The following RAB18 variants were observed in gnomAD, a reference collection of about 807,000 sequenced individuals.
RAB18 encodes the protein RAB18, member RAS oncogene family, also known as ras-related protein Rab-18.
RAB18 carries 10 observed loss-of-function variants against 28.5 expected under a neutral mutation model. The ratio of observed to expected loss-of-function variants is 0.35; its 90% CI spans 0.22 to 0.60. RAB18 has a LOEUF of 0.60. Ranked by LOEUF, RAB18 falls within the 20% of genes least tolerant of loss-of-function variation. RAB18 has a pLI of 0.78. For missense variants in RAB18, 188 were observed against 244.2 expected (o/e 0.77, Z 1.53); for synonymous variants, 93 against 86.9 (o/e 1.07, Z -0.39).
In RAB18 at chr10:27,537,588, C is replaced by T. The variant is rs2763307; in HGVS notation, c.446-288C>T. ...AAAGCTTAAGGAAAAAACTTTCGCT[C>T]GCTATTTAAGTAGGGCTTTACAAGT... On this transcript the variant is annotated intron_variant, in intron 6 of 6. Transcript: ENST00000356940. Among the ~76,000 whole-genome samples, 142,365 of 152,260 alleles carry T rather than the reference C, an allele frequency of 0.94. 67,288 individuals are homozygous for T. Among genetic ancestry groups the T allele is most frequent in the East Asian group, 1 (5,188 of 5,188 alleles).
In RAB18 at chr10:27,541,594, G is replaced by A. The variant is rs747609242; in HGVS notation, c.*3543G>A. ...AGTCGTGTGTTCATGCCTGTTCTCA[G>A]TCTTGTCCCCTTTACCGTTTCTCAT... On this transcript the variant is annotated 3_prime_UTR_variant, in exon 7 of 7. Coordinates refer to ENST00000356940, the MANE Select transcript of RAB18 (RefSeq NM_021252.5). 3.4e-4 allele frequency: 152 copies of A among 452,712 alleles called. No individual in the cohort carries two copies. Among genetic ancestry groups the A allele is most frequent in the Non-Finnish European group, 6.4e-4 (146 of 226,610 alleles). The allele number at this position is 452,712 out of a possible 1,614,324, so 28.0% of individuals were successfully genotyped here.
intron 1 of RAB18, among the ~76,000 whole-genome samples, chr10:27,507,618 T>G (rs1205626262): frequency 6.6e-6 from 1 of 151,968 alleles, no homozygotes; most frequent in Non-Finnish European, 1.5e-5. Context: ...CACACTCTGT[T>G]TATTATAAAT....
At chr10:27,523,028 T>C (rs1403825194) in intron 2 of RAB18, among the ~76,000 whole-genome samples, 3 of 152,048 alleles carry the variant, frequency 2.0e-5, no homozygotes, top group African/African-American at 7.2e-5. Context: ...TTTTCTTTCT[T>C]CTACTTCTTC....
At chr10:27,532,270 T>G (rs575224329) in intron 3 of RAB18, among the ~76,000 whole-genome samples, 1 of 152,212 alleles carries the variant, frequency 6.6e-6, no homozygotes, top group East Asian at 1.9e-4. Flanking sequence ...AAGTCTTAAA[T>G]TCAAAACAGC....
Position 27,533,802 on chromosome 10 carries a change from C to G in RAB18, c.327C>G (p.Tyr109Ter). The G allele has an allele frequency of 6.2e-7, 1 of 1,613,634 alleles. No homozygotes were observed. Among genetic ancestry groups the G allele is most frequent in the South Asian group, 1.1e-5 (1 of 91,064 alleles). The change falls in exon 5 of 7, where the codon TAC (tyrosine) becomes TAG (stop). Residue 109 changes from tyrosine (Y) to a stop codon, truncating the protein, a stop_gained. Coordinates refer to ENST00000356940, the MANE Select transcript of RAB18 (RefSeq NM_021252.5). LOFTEE classifies it high-confidence loss of function. The part of the protein sequence containing the change: ...LDNWLNELET[Y>*]CTRNDIVNML... ...ATTGGTTAAATGAATTGGAAACATA[C>G]TGTACAAGAAATGACATAGTAAACA...
intron 1 of RAB18, among the ~76,000 whole-genome samples, chr10:27,507,698 C>T (rs879549316): frequency 6.6e-6 from 1 of 151,838 alleles, no homozygotes; most frequent in African/African-American, 2.4e-5. Context: ...AAACATTTTG[C>T]TCCTTTAACT....
At chr10:27,508,489 T>C (rs1477386010) in intron 1 of RAB18, among the ~76,000 whole-genome samples, 3 of 152,222 alleles carry the variant, frequency 2.0e-5, no homozygotes, top group African/African-American at 7.2e-5. Context: ...GTAGATATTA[T>C]GTATCTTTTC....
intron 3 of RAB18, 164 bp downstream of exon 3, chr10:27,527,053 T>C (rs1231192731): frequency 3.7e-6 from 3 of 806,356 alleles, no homozygotes; most frequent in African/African-American, 1.7e-5. Context: ...GTCTTATAAT[T>C]GGGTAATTAG....
chr10:27,518,909 G>A (rs1306858303), intron 2 of RAB18, among the ~76,000 whole-genome samples: 1 of 147,492 alleles, frequency 6.8e-6, no homozygotes. Flanking sequence ...GTTACATTAA[G>A]TATAATTTTT....
At chr10:27,522,864 T>C (rs1230896427) in intron 2 of RAB18, among the ~76,000 whole-genome samples, 3 of 152,130 alleles carry the variant, frequency 2.0e-5, no homozygotes, top group Non-Finnish European at 2.9e-5. Flanking sequence ...GGTGTGATTT[T>C]TTTCATCCTT....
In RAB18 at chr10:27,504,419, G is replaced by C. The variant is rs761909429; in HGVS notation, c.50G>C (p.Ser17Thr). Residue 17 changes from serine to threonine, a missense_variant, in exon 1 of 7, where the codon AGT becomes ACT. Physicochemically the swap from Ser to Thr is moderately conservative, Grantham distance 58 (BLOSUM62 1). Coordinates refer to ENST00000356940, the MANE Select transcript of RAB18 (RefSeq NM_021252.5). ...CTGAAGATCCTCATCATCGGCGAGAGTGGGGTGGGCAAGTCCAGGTGAGGC... is the reference window on the plus strand; with the variant it reads ...CTGAAGATCCTCATCATCGGCGAGACTGGGGTGGGCAAGTCCAGGTGAGGC... ...TTLKILIIGESGVGKSSLLLR... is the reference protein window; with the variant it reads ...TTLKILIIGETGVGKSSLLLR... 1.9e-6 allele frequency: 3 copies of C among 1,569,340 alleles called. No individual in the cohort carries two copies. Among genetic ancestry groups the C allele is most frequent in the East Asian group, 4.6e-5 (2 of 43,256 alleles).
intron 6 of RAB18, among the ~76,000 whole-genome samples, chr10:27,535,523 A>ATGGTAAAGAG (rs549322496): frequency 4.2e-4 from 64 of 152,322 alleles, no homozygotes; most frequent in African/African-American, 1.5e-3. Flanking sequence ...TGCCATTCAA[A>ATGGTAAAGAG]TGGTAAAGAG....
intron 2 of RAB18, among the ~76,000 whole-genome samples, chr10:27,511,784 C>T (rs1042128655): frequency 6.6e-6 from 1 of 152,158 alleles, no homozygotes; most frequent in African/African-American, 2.4e-5. Flanking sequence ...CTCCTTCTTA[C>T]ACTTTTTGCC....
Position 27,504,420 on chromosome 10 carries a change from T to C in RAB18, c.51T>C (p.Ser17=), listed in dbSNP as rs1170959035. 2 of 1,567,858 alleles carry C rather than the reference T, an allele frequency of 1.3e-6. No individual in the cohort carries two copies. The highest frequency in any genetic ancestry group is 1.2e-5 in the South Asian group (1 of 85,248). The change falls in exon 1 of 7, where the codon AGT becomes AGC. Residue 17 remains serine, a synonymous_variant. Coordinates refer to ENST00000356940, the MANE Select transcript of RAB18 (RefSeq NM_021252.5). ...TGAAGATCCTCATCATCGGCGAGAG[T>C]GGGGTGGGCAAGTCCAGGTGAGGCG... ...TTLKILIIGE[S]GVGKSSLLLR...
intron 1 of RAB18, chr10:27,504,767 C>T (rs774667451): frequency 5.2e-6 from 3 of 573,976 alleles, no homozygotes; most frequent in Non-Finnish European, 3.4e-6. Flanking sequence ...TGGTTTGGGC[C>T]CGAATCCGGC....
intron 4 of RAB18, 144 bp from the exon 5 acceptor site, chr10:27,533,591 A>T: frequency 1.1e-6 from 1 of 913,036 alleles, no homozygotes; most frequent in Non-Finnish European, 1.6e-6. Flanking sequence ...TTGGATCAGT[A>T]GACACTCAAT....
intron 3 of RAB18, among the ~76,000 whole-genome samples, chr10:27,532,075 A>G (rs11598492): frequency 0.16 from 24,931 of 151,872 alleles, 2,757 homozygotes; most frequent in Non-Finnish European, 0.25. Context: ...ATTTTCTTCA[A>G]ATCAGTGGTT....
rs1261639905 is a variant in RAB18, at chr10:27,533,750, GAA to G, written c.276_277del (p.Asp94TyrfsTer4). The G allele has an allele frequency of 6.2e-7, 1 of 1,613,248 alleles. No homozygotes were observed. The highest frequency in any genetic ancestry group is 8.5e-7 in the Non-Finnish European group (1 of 1,179,642). On this transcript the variant is annotated frameshift_variant, in exon 5 of 7. Coordinates refer to ENST00000356940, the MANE Select transcript of RAB18 (RefSeq NM_021252.5). LOFTEE classifies it high-confidence loss of function. ...TTTATTTCAGTTTATGATGTCACAAGAAGAGATACATTTGTTAAACTGGATAA... is the reference window on the plus strand; with the variant it reads ...TTTATTTCAGTTTATGATGTCACAAGGAGATACATTTGTTAAACTGGATAA...
At chr10:27,515,495 G>A (rs970943137) in intron 2 of RAB18, among the ~76,000 whole-genome samples, 2 of 151,968 alleles carry the variant, frequency 1.3e-5, no homozygotes, top group African/African-American at 4.8e-5. Flanking sequence ...GTCTTTTGAG[G>A]GTTGGTATAT....
Sources: allele counts gnomAD v4.1 joint callset (sites outside exome capture counted in the v4.1 genomes callset), GRCh38; gene constraint gnomAD v4.1.1; transcripts MANE v1.5; gene names NCBI Gene and HGNC (gene_info 2026-07-23, HGNC 2026-07-21).